The following GALNT17 variants were observed in gnomAD, a reference collection of about 807,000 sequenced individuals.
GALNT17 encodes the protein UDP-GalNAc:polypeptide N-acetylgalactosaminyltransferase-like 3.
Under a neutral mutation model 63.7 loss-of-function variants are expected in GALNT17, and 29 were observed. The ratio of observed to expected loss-of-function variants is 0.46; its 90% CI spans 0.34 to 0.62. GALNT17 has a LOEUF of 0.62. Ranked by LOEUF, GALNT17 falls within the 20% of genes least tolerant of loss-of-function variation. The pLI is 0.01. For synonymous variants in GALNT17, 305 were observed against 318.3 expected (o/e 0.96, Z 0.45); for missense variants, 603 against 799.6 (o/e 0.75, Z 2.97).
At chr7:71,203,700 G>T (rs1789217550) in intron 1 of GALNT17, among the ~76,000 whole-genome samples, 1 of 152,256 alleles carries the variant, frequency 6.6e-6, no homozygotes, top group Middle Eastern at 3.4e-3. Flanking sequence ...TTCGAGGGAG[G>T]CCTCAGGAAG....
At chr7:71,416,094 C>A in intron 4 of GALNT17, 31 bp downstream of exon 4, 2 of 1,584,490 alleles carry the variant, frequency 1.3e-6, no homozygotes, top group South Asian at 1.2e-5. Flanking sequence ...CAGGGGTGCT[C>A]AAGACCTGCA....
intron 1 of GALNT17, among the ~76,000 whole-genome samples, chr7:71,246,989 G>A (rs1309806585): frequency 2.0e-5 from 3 of 152,078 alleles, no homozygotes; most frequent in Non-Finnish European, 2.9e-5. Context: ...TGCCCAGGCT[G>A]GTCTTGAACT....
At chr7:71,657,576 C>T (rs866267254) in intron 6 of GALNT17, among the ~76,000 whole-genome samples, 2 of 152,122 alleles carry the variant, frequency 1.3e-5, no homozygotes, top group Non-Finnish European at 2.9e-5. Flanking sequence ...GTGGCTCTTC[C>T]GGGGTCCCTG....
At chr7:71,208,582 C>G (rs1237593181) in intron 1 of GALNT17, among the ~76,000 whole-genome samples, 1 of 151,298 alleles carries the variant, frequency 6.6e-6, no homozygotes, top group African/African-American at 2.4e-5. Flanking sequence ...TCCAGGGTAG[C>G]TGGGACTACA....
At chr7:71,644,722 G>T (rs1790651672) in intron 6 of GALNT17, among the ~76,000 whole-genome samples, 1 of 151,978 alleles carries the variant, frequency 6.6e-6, no homozygotes. Context: ...CTGCTCTCCA[G>T]CCTGGGTGAC....
At chr7:71,276,236 G>C (rs1374747905) in intron 1 of GALNT17, among the ~76,000 whole-genome samples, 10 of 152,164 alleles carry the variant, frequency 6.6e-5, no homozygotes, top group Non-Finnish European at 1.2e-4. Flanking sequence ...GTGGCTGCAG[G>C]GGTGGGGGTG....
intron 5 of GALNT17, among the ~76,000 whole-genome samples, chr7:71,468,152 A>G (rs887580882): frequency 2.0e-5 from 3 of 151,564 alleles, no homozygotes; most frequent in Non-Finnish European, 4.4e-5. Flanking sequence ...CGCAGTCTAT[A>G]GTGTAGTTGG....
chr7:71,504,164 C>G (rs1788227166), intron 5 of GALNT17, among the ~76,000 whole-genome samples: 2 of 150,480 alleles, frequency 1.3e-5, no homozygotes, highest in South Asian at 4.2e-4. Context: ...GGAGGCGGAG[C>G]TGCAGTGAGC....
rs975676225 is a variant in GALNT17 at position 71,335,539 on chromosome 7, A to G, written c.239-11A>G. 6.5e-7 allele frequency: 1 copy of G among 1,546,558 alleles called. No individual in the cohort carries two copies. Among genetic ancestry groups the G allele is most frequent in the Non-Finnish European group, 8.7e-7 (1 of 1,148,214 alleles). On this transcript the variant is annotated splice_polypyrimidine_tract_variant and intron_variant, in intron 1 of 10. Coordinates refer to ENST00000333538, the MANE Select transcript of GALNT17 (RefSeq NM_022479.3). ...TTTTCTAATAATTCTTTTTTCTCCC[A>G]CTTTTTCTAGGCTTATCCAAATCCC...
intron 1 of GALNT17, among the ~76,000 whole-genome samples, chr7:71,135,174 G>A (rs1422707730): frequency 6.6e-6 from 1 of 152,156 alleles, no homozygotes; most frequent in Admixed American, 6.5e-5. Context: ...TCAATTAGGA[G>A]CATTAAATAT....
chr7:71,511,404 G>A (rs149037200), intron 5 of GALNT17, among the ~76,000 whole-genome samples: 56 of 152,250 alleles, frequency 3.7e-4, no homozygotes, highest in African/African-American at 1.3e-3. Context: ...CGTGGCCCTA[G>A]GCAATTTTAT....
At chr7:71,203,923 A>T (rs571324869) in intron 1 of GALNT17, among the ~76,000 whole-genome samples, 1 of 152,220 alleles carries the variant, frequency 6.6e-6, no homozygotes, top group African/African-American at 2.4e-5. Flanking sequence ...TTTTAGTTTG[A>T]TGCAGTCTCA....
chr7:71,483,457 G>A (rs1787856825), intron 5 of GALNT17, among the ~76,000 whole-genome samples: 1 of 151,910 alleles, frequency 6.6e-6, no homozygotes, highest in Non-Finnish European at 1.5e-5. Flanking sequence ...GCAACAGAGT[G>A]AGACTCCTTC....
Position 71,132,554 on chromosome 7 carries a change from A to C in GALNT17, c.-249A>C. 2 of 495,830 alleles carry C rather than the reference A, an allele frequency of 4.0e-6. No individual in the cohort carries two copies. Among genetic ancestry groups the C allele is most frequent in the South Asian group, 2.9e-5 (1 of 34,558 alleles). 30.7% of individuals were successfully genotyped at this position (495,830 alleles called of 1,614,324 possible). A position where few individuals can be genotyped will look rare whatever the true frequency, so the allele number is the denominator to read the frequency against. The stretch of plus-strand genomic sequence containing the variant: ...GCCTGGACGGGGCCGTGCGCCGTGG[A>C]CTGAGCAGGCGTCTCGGGGAGCACT... On this transcript the variant is annotated 5_prime_UTR_variant, in exon 1 of 11. Transcript: ENST00000333538.
intron 2 of GALNT17, among the ~76,000 whole-genome samples, chr7:71,350,236 G>T (rs988647410): frequency 3.3e-5 from 5 of 152,198 alleles, no homozygotes; most frequent in African/African-American, 1.2e-4. Flanking sequence ...TAACAGATGT[G>T]TATGACACAG....
At chr7:71,566,962 G>A (rs546231926) in intron 5 of GALNT17, among the ~76,000 whole-genome samples, 1 of 152,112 alleles carries the variant, frequency 6.6e-6, no homozygotes, top group Non-Finnish European at 1.5e-5. Context: ...AGCCCCTCAG[G>A]AACTGCTCAC....
intron 1 of GALNT17, among the ~76,000 whole-genome samples, chr7:71,278,225 A>C (rs924872920): frequency 5.3e-5 from 8 of 152,182 alleles, no homozygotes; most frequent in Admixed American, 2.6e-4. Context: ...CAGATGAGCA[A>C]ATTGAGGCTC....
In GALNT17 at chr7:71,471,650, G is replaced by A. The variant is rs147870336; in HGVS notation, c.962+50545G>A. On this transcript the variant is annotated intron_variant, in intron 5 of 10. Transcript: ENST00000333538. ...CTTCTCCTTTTTTTATGCTAAGCAG[G>A]TTATCTCTTAGCTTTTTCAGTCTGA... is the stretch of plus-strand genomic sequence containing the variant. Among the ~76,000 whole-genome samples, 4 of 152,074 alleles carry A rather than the reference G, an allele frequency of 2.6e-5. No homozygotes were observed. The South Asian group carries it at 6.2e-4, about 24-fold the overall frequency.
chr7:71,221,659 A>T (rs1021315106), intron 1 of GALNT17, among the ~76,000 whole-genome samples: 1 of 152,200 alleles, frequency 6.6e-6, no homozygotes, highest in Non-Finnish European at 1.5e-5. Context: ...GGCTGATGTC[A>T]GCATGCTTCT....
Sources: gnomAD v4.1 joint callset for allele counts (sites outside exome capture counted in the v4.1 genomes callset) on GRCh38, gnomAD v4.1.1 for gene constraint, MANE v1.5 for transcripts, NCBI Gene and HGNC (gene_info 2026-07-23, HGNC 2026-07-21) for gene names.